Variants in STAP1 observed in about 807,000 individuals in gnomAD.
The protein encoded by STAP1 is signal transducing adaptor family member 1, also known as signal-transducing adaptor protein 1.
Under a neutral mutation model 37.8 loss-of-function variants are expected in STAP1, and 30 were observed. That is an observed-to-expected ratio of 0.79 (90% CI 0.59 to 1.08). The LOEUF is 1.08. Among genes scored for constraint, STAP1 ranks in the 50% least tolerant of loss-of-function variants. The probability of loss-of-function intolerance (pLI) is 0.00; values close to 1 mark genes in which losing one functional copy is unlikely to be tolerated. For missense variants in STAP1, 357 were observed against 349.4 expected (o/e 1.02, Z -0.17); for synonymous variants, 130 against 116.0 (o/e 1.12, Z -0.78).
rs1727855538 is a variant in STAP1 at position 67,581,434 on chromosome 4, A to G, written c.493A>G (p.Thr165Ala). Residue 165 changes from threonine to alanine, a missense_variant, in exon 5 of 9, where the codon ACT becomes GCT. Coordinates refer to ENST00000265404, the MANE Select transcript of STAP1 (RefSeq NM_012108.4). ...STSVEKEKEP[T>A]EDYVDVLNPM... ...GTCCGTGGAAAAAGAGAAGGAACCA[A>G]CTGAAGATTATGTGGATGTACTGAA... 1 of 1,613,800 alleles carries G rather than the reference A, an allele frequency of 6.2e-7. No individual in the cohort carries two copies.
intron 1 of STAP1, among the ~76,000 whole-genome samples, chr4:67,565,505 T>G (rs754508282): frequency 4.6e-5 from 7 of 152,246 alleles, no homozygotes; most frequent in Admixed American, 4.6e-4. Flanking sequence ...AGAAGTATTA[T>G]GTGGCTAATA....
At chr4:67,572,843 G>A (rs976664389) in intron 2 of STAP1, among the ~76,000 whole-genome samples, 2 of 152,134 alleles carry the variant, frequency 1.3e-5, no homozygotes, top group Admixed American at 1.3e-4. Context: ...GATGAGATTA[G>A]TGAAGTTTAA....
chr4:67,560,652 C>CTGTG (rs774715747), intron 1 of STAP1, among the ~76,000 whole-genome samples: 37 of 149,824 alleles, frequency 2.5e-4, no homozygotes, highest in African/African-American at 7.2e-4. Flanking sequence ...GGGTGTGTGT[C>CTGTG]TGTGTGTGTG....
chr4:67,587,466 T>G (rs929391725), intron 6 of STAP1, among the ~76,000 whole-genome samples: 1 of 152,186 alleles, frequency 6.6e-6, no homozygotes, highest in African/African-American at 2.4e-5. Flanking sequence ...TCATCCACCT[T>G]TACCTAGCCC....
At chr4:67,572,888 C>T (rs1727637578) in intron 2 of STAP1, among the ~76,000 whole-genome samples, 1 of 152,162 alleles carries the variant, frequency 6.6e-6, no homozygotes, top group Admixed American at 6.5e-5. Context: ...ATAGGTAATA[C>T]GAAAGGTACA....
At position 67,606,549 on chromosome 4, in the gene STAP1, A is replaced by C. The variant is rs769941328; in HGVS notation, c.*192A>C. ...ATCAGAATGAAACCAATTCACAGGGAAACTAGAGACTACGGCTGTGGTGGT... is the reference window on the plus strand; with the variant it reads ...ATCAGAATGAAACCAATTCACAGGGCAACTAGAGACTACGGCTGTGGTGGT... On this transcript the variant is annotated 3_prime_UTR_variant, in exon 9 of 9. Coordinates refer to ENST00000265404, the MANE Select transcript of STAP1 (RefSeq NM_012108.4). The C allele has an allele frequency of 1.9e-6, 1 of 532,074 alleles. No individual in the cohort carries two copies. The highest frequency in any genetic ancestry group is 2.0e-5 in the African/African-American group (1 of 50,600). 33.0% of individuals were successfully genotyped at this position (532,074 alleles called of 1,614,324 possible).
intron 3 of STAP1, 95 bp downstream of exon 3, chr4:67,575,593 G>A (rs995155941): frequency 8.9e-6 from 8 of 899,614 alleles, no homozygotes; most frequent in Non-Finnish European, 1.4e-5. Context: ...TGTAAGACAG[G>A]CTAAGTCTTA....
chr4:67,605,597 T>C (rs972866659), intron 8 of STAP1, among the ~76,000 whole-genome samples: 2 of 152,144 alleles, frequency 1.3e-5, no homozygotes, highest in African/African-American at 2.4e-5. Context: ...TTTAAATAAT[T>C]AGAATATTAT....
At chr4:67,586,709 G>A (rs1052337438) in intron 6 of STAP1, among the ~76,000 whole-genome samples, 1 of 152,148 alleles carries the variant, frequency 6.6e-6, no homozygotes, top group Non-Finnish European at 1.5e-5. Flanking sequence ...GTATGGAAAA[G>A]GAGTTCATAT....
rs1281244537 is a variant in STAP1, at chr4:67,606,508, A to T, written c.*151A>T. ...GAATTAGAATTAAACATTGTACCAT[A>T]CAATTTCATTATCTTATCAGAATGA... On this transcript the variant is annotated 3_prime_UTR_variant, in exon 9 of 9. Transcript: ENST00000265404. 1.5e-6 allele frequency: 1 copy of T among 653,496 alleles called. No homozygotes were observed. The highest frequency in any genetic ancestry group is 2.5e-6 in the Non-Finnish European group (1 of 400,248). The allele number at this position is 653,496 out of a possible 1,614,324, so 40.5% of individuals were successfully genotyped here.
chr4:67,570,708 GAGAA>G (rs1560457474), intron 1 of STAP1, among the ~76,000 whole-genome samples: 1 of 147,088 alleles, frequency 6.8e-6, no homozygotes, highest in Admixed American at 6.8e-5. Context: ...AAGAAAGAAA[GAGAA>G]AGGAAGGAAG....
At chr4:67,583,459 G>A in intron 5 of STAP1, 115 bp from the exon 6 acceptor site, 1 of 1,119,744 alleles carries the variant, frequency 8.9e-7, no homozygotes, top group Admixed American at 3.0e-5. Flanking sequence ...CAAACCGGAA[G>A]TTTTAAGAAA....
chr4:67,579,637 G>A (rs1293479121), intron 4 of STAP1, among the ~76,000 whole-genome samples: 1 of 152,068 alleles, frequency 6.6e-6, no homozygotes, highest in Admixed American at 6.5e-5. Context: ...ATCACATGGT[G>A]AGAGTAGGAA....
intron 1 of STAP1, among the ~76,000 whole-genome samples, chr4:67,568,131 T>C (rs188993142): frequency 2.8e-4 from 42 of 152,294 alleles, no homozygotes; most frequent in African/African-American, 7.9e-4. Context: ...AATTGAGTTA[T>C]AGAGTCGTCA....
chr4:67,562,799 C>G (rs1189390383), intron 1 of STAP1, among the ~76,000 whole-genome samples: 1 of 151,568 alleles, frequency 6.6e-6, no homozygotes, highest in African/African-American at 2.4e-5. Flanking sequence ...AATATTAATT[C>G]ATTTGGAAAT....
intron 1 of STAP1, among the ~76,000 whole-genome samples, chr4:67,565,606 T>C (rs552058363): frequency 6.6e-6 from 1 of 152,316 alleles, no homozygotes; most frequent in South Asian, 2.1e-4. Flanking sequence ...CTGACATTTA[T>C]GAAATACTTG....
At position 67,578,874 on chromosome 4, in the gene STAP1, G is replaced by A. The variant is rs568044158; in HGVS notation, c.363+1615G>A. Among the ~76,000 whole-genome samples the A allele has an allele frequency of 3.3e-4, 49 of 150,180 alleles. No homozygotes were observed. The South Asian group carries it at 9.7e-3, about 30-fold the overall frequency. ...GACAGAGTCTCACTCTATCACCCAG[G>A]CTGGAGTGCAGTGGTGCAATCTTGG... On this transcript the variant is annotated intron_variant, in intron 4 of 8. Transcript: ENST00000265404.
In STAP1 at chr4:67,560,959, T is replaced by C. The variant is rs181572078; in HGVS notation, c.120+2030T>C. ...CCTCTGAGTTAGACCACTAAGTACC[T>C]TTTACTTGTATGTCAGGGAGAAGAG... On this transcript the variant is annotated intron_variant, in intron 1 of 8. Coordinates refer to ENST00000265404, the MANE Select transcript of STAP1 (RefSeq NM_012108.4). Among the ~76,000 whole-genome samples, 10 of 152,294 alleles carry C rather than the reference T, an allele frequency of 6.6e-5. No homozygotes were observed. The East Asian group carries it at 1.5e-3, about 23-fold the overall frequency.
At chr4:67,600,446 T>C (rs1351003550) in intron 8 of STAP1, among the ~76,000 whole-genome samples, 5 of 152,164 alleles carry the variant, frequency 3.3e-5, no homozygotes, top group African/African-American at 4.8e-5. Context: ...TTGAAAATAA[T>C]CCATGTTCTG....
Sources: gnomAD v4.1 joint callset for allele counts (sites outside exome capture counted in the v4.1 genomes callset) on GRCh38, gnomAD v4.1.1 for gene constraint, MANE v1.5 for transcripts, NCBI Gene and HGNC (gene_info 2026-07-23, HGNC 2026-07-21) for gene names.